AFF3: variants seen among roughly 807,000 people sequenced by gnomAD.
The protein encoded by AFF3 is ALF transcription elongation factor 3, also known as AF4/FMR2 family member 3.
AFF3 carries 32 observed loss-of-function variants against 129.7 expected under a neutral mutation model. The ratio of observed to expected loss-of-function variants is 0.25; its 90% confidence interval spans 0.19 to 0.33. The LOEUF (loss-of-function observed/expected upper bound fraction) is 0.33. AFF3 is among the 10% of genes least tolerant of loss of function. The pLI is 1.00. For missense variants in AFF3, 1,373 were observed against 1,592.0 expected, an observed-to-expected ratio of 0.86 and a Z score of 2.34; for synonymous variants, 644 against 635.4, an observed-to-expected ratio of 1.01 and a Z score of -0.20.
chr2:99,822,861 G>A (rs1038736626), intron 8 of AFF3, among the ~76,000 whole-genome samples: 5 of 152,082 alleles, frequency 3.3e-5, no homozygotes, highest in African/African-American at 1.2e-4. Context: ...TGCGTGAAGG[G>A]GCTCCTGGCG....
At chr2:99,800,119 T>C (rs1053580274) in intron 8 of AFF3, among the ~76,000 whole-genome samples, 1 of 152,188 alleles carries the variant, frequency 6.6e-6, no homozygotes, top group Admixed American at 6.6e-5. Flanking sequence ...TTGAAAGACA[T>C]GTCTTTACAA....
intron 4 of AFF3, among the ~76,000 whole-genome samples, chr2:100,022,573 G>C (rs1249439567): frequency 6.6e-6 from 1 of 152,048 alleles, no homozygotes; most frequent in Non-Finnish European, 1.5e-5. Flanking sequence ...ACCATGCCTG[G>C]CCAATTTTTT....
chr2:99,960,453 CTA>C (rs80010681), intron 7 of AFF3, among the ~76,000 whole-genome samples: 28,540 of 151,816 alleles, frequency 0.19, 3,470 homozygotes, highest in African/African-American at 0.34. Flanking sequence ...CAATTATTTT[CTA>C]TGTTTACTGA....
chr2:99,554,592 G>A (rs1559469911), intron 23 of AFF3, 58 bp from the exon 24 acceptor site: 1 of 1,608,970 alleles, frequency 6.2e-7, no homozygotes, highest in Non-Finnish European at 8.5e-7. Flanking sequence ...GCGAGGCAGG[G>A]CAGCCCCTTG....
intron 8 of AFF3, among the ~76,000 whole-genome samples, chr2:99,820,780 T>A (rs1687605185): frequency 1.4e-5 from 2 of 145,774 alleles, no homozygotes; most frequent in South Asian, 4.6e-4. Context: ...CTTTTAAAAC[T>A]TTTTTGTCAA....
chr2:99,917,962 T>C (rs1030569771), intron 7 of AFF3, among the ~76,000 whole-genome samples: 1 of 152,188 alleles, frequency 6.6e-6, no homozygotes, highest in Non-Finnish European at 1.5e-5. Context: ...AAAAAAAATC[T>C]TCACAAATTC....
intron 8 of AFF3, among the ~76,000 whole-genome samples, chr2:99,784,494 G>A (rs1222572441): frequency 6.6e-6 from 1 of 152,194 alleles, no homozygotes; most frequent in Admixed American, 6.5e-5. Context: ...CCTGAAACAA[G>A]CCCAGAGCAA....
intron 8 of AFF3, among the ~76,000 whole-genome samples, chr2:99,829,328 C>A (rs1239193973): frequency 2.6e-5 from 4 of 152,106 alleles, no homozygotes; most frequent in African/African-American, 9.7e-5. Flanking sequence ...GCAAAAGAAA[C>A]TATCATCAGA....
chr2:99,941,711 T>C (rs770761158), intron 7 of AFF3, among the ~76,000 whole-genome samples: 1 of 152,188 alleles, frequency 6.6e-6, no homozygotes, highest in Non-Finnish European at 1.5e-5. Context: ...CCTTCCTCCT[T>C]CTTCCTCCTT....
At chr2:99,910,900 T>A (rs950455103) in intron 7 of AFF3, among the ~76,000 whole-genome samples, 8 of 152,254 alleles carry the variant, frequency 5.3e-5, no homozygotes, top group African/African-American at 1.9e-4. Flanking sequence ...TAATTAGAGC[T>A]AACATTAGAC....
chr2:100,134,133 T>A (rs961449271), intron 1 of AFF3, among the ~76,000 whole-genome samples: 3 of 152,156 alleles, frequency 2.0e-5, no homozygotes, highest in Non-Finnish European at 4.4e-5. Context: ...TTATGATAAA[T>A]ATCTTTGCAC....
chr2:99,747,468 G>A (rs1258581254), intron 9 of AFF3, among the ~76,000 whole-genome samples: 2 of 152,040 alleles, frequency 1.3e-5, no homozygotes, highest in Admixed American at 6.6e-5. Context: ...CTACAGGCAC[G>A]CGCCGCCATG....
chr2:99,728,527 T>C (rs1679546877), intron 10 of AFF3, among the ~76,000 whole-genome samples: 1 of 152,230 alleles, frequency 6.6e-6, no homozygotes. Flanking sequence ...TTGCCCAAAC[T>C]GAACTCAAAA....
intron 7 of AFF3, among the ~76,000 whole-genome samples, chr2:99,841,983 T>C (rs1449317015): frequency 6.6e-6 from 1 of 152,070 alleles, no homozygotes; most frequent in Admixed American, 6.5e-5. Flanking sequence ...CGCTTGATCA[T>C]TGCCTCTCAC....
intron 4 of AFF3, among the ~76,000 whole-genome samples, chr2:100,087,402 C>T (rs113846037): frequency 4.6e-5 from 7 of 152,222 alleles, no homozygotes; most frequent in African/African-American, 1.7e-4. Flanking sequence ...AATTGAATGA[C>T]TTGCACAAGA....
At chr2:99,645,031 T>C (rs922084179) in intron 13 of AFF3, among the ~76,000 whole-genome samples, 8 of 152,224 alleles carry the variant, frequency 5.3e-5, no homozygotes, top group African/African-American at 1.9e-4. Context: ...TTGGCTTCTT[T>C]ACTTTGTCAA....
At chr2:100,084,524 T>C (rs2105372443) in intron 4 of AFF3, among the ~76,000 whole-genome samples, 1 of 152,276 alleles carries the variant, frequency 6.6e-6, no homozygotes, top group East Asian at 1.9e-4. Flanking sequence ...AATGTAACAG[T>C]ACCAAAAAGC....
intron 18 of AFF3, among the ~76,000 whole-genome samples, chr2:99,573,315 A>G (rs1676681813): frequency 6.6e-6 from 1 of 152,130 alleles, no homozygotes; most frequent in African/African-American, 2.4e-5. Context: ...GGTTAGAACA[A>G]AAGAAGCTCC....
At chr2:99,738,373 C>CTAT (rs1351058049) in intron 10 of AFF3, among the ~76,000 whole-genome samples, 1 of 152,088 alleles carries the variant, frequency 6.6e-6, no homozygotes, top group Non-Finnish European at 1.5e-5. Flanking sequence ...CAGACTTCAG[C>CTAT]TATTATCATC....
Sources: gnomAD v4.1 joint callset for allele counts (sites outside exome capture counted in the v4.1 genomes callset) on GRCh38, gnomAD v4.1.1 for gene constraint, MANE v1.5 for transcripts, NCBI Gene and HGNC (gene_info 2026-07-23, HGNC 2026-07-21) for gene names.